The following SPIN1 variants were observed in gnomAD, a reference collection of about 807,000 sequenced individuals.
The protein encoded by SPIN1 is spindlin 1.
A neutral mutation model predicts 26.0 loss-of-function variants in SPIN1; 3 were observed. That is an observed-to-expected ratio of 0.12 (90% CI 0.05 to 0.30). SPIN1 has a LOEUF of 0.30. Among genes scored for constraint, SPIN1 ranks in the 10% least tolerant of loss-of-function variants. SPIN1 has a pLI of 1.00. For synonymous variants in SPIN1, 101 were observed against 116.5 expected (o/e 0.87, Z 0.86); for missense variants, 126 against 333.4 (o/e 0.38, Z 4.84).
intron 2 of SPIN1, among the ~76,000 whole-genome samples, chr9:88,429,100 G>C (rs1006989302): frequency 4.6e-5 from 7 of 152,100 alleles, no homozygotes; most frequent in Non-Finnish European, 8.8e-5. Flanking sequence ...CTCCTGAGCT[G>C]AAGCGGTCCT....
intron 1 of SPIN1, among the ~76,000 whole-genome samples, chr9:88,406,786 G>A (rs568988465): frequency 4.1e-4 from 62 of 151,938 alleles, no homozygotes; most frequent in African/African-American, 1.4e-3. Context: ...TTGTTCTGCT[G>A]TTCTAACTTG....
chr9:88,423,445 T>C (rs1283116860), intron 1 of SPIN1, among the ~76,000 whole-genome samples: 2 of 152,078 alleles, frequency 1.3e-5, no homozygotes, highest in Non-Finnish European at 2.9e-5. Context: ...TTTGTTTGTT[T>C]GTTTGTTTGT....
chr9:88,434,420 T>C (rs1336641786), intron 2 of SPIN1, among the ~76,000 whole-genome samples: 1 of 130,302 alleles, frequency 7.7e-6, no homozygotes, highest in Admixed American at 6.9e-5. Context: ...TTTTATAAAT[T>C]AGTTTATTTT....
intron 4 of SPIN1, among the ~76,000 whole-genome samples, chr9:88,463,152 A>T (rs1210667892): frequency 6.6e-6 from 1 of 152,228 alleles, no homozygotes; most frequent in Non-Finnish European, 1.5e-5. Context: ...CTTTGTGTAC[A>T]ACGTAAATGA....
At chr9:88,439,752 C>T (rs977524306) in intron 2 of SPIN1, among the ~76,000 whole-genome samples, 1 of 152,122 alleles carries the variant, frequency 6.6e-6, no homozygotes, top group Non-Finnish European at 1.5e-5. Context: ...TCTTTGATAA[C>T]TTTTCTTCCT....
rs1370968224 is a variant in SPIN1, at chr9:88,475,595, T to TTTTA, written c.*318_*319insTTTA. 7.6e-5 allele frequency: 17 copies of TTTTA among 224,140 alleles called. No individual in the cohort carries two copies. The highest frequency in any genetic ancestry group is 1.4e-4 in the Non-Finnish European group (16 of 111,970). 13.9% of individuals were successfully genotyped at this position (224,140 alleles called of 1,614,324 possible). On this transcript the variant is annotated 3_prime_UTR_variant, in exon 6 of 6. Transcript: ENST00000375859. ...TAACCATTTTCCCCCTCACCCTAAC[T>TTTTA]CTCTTATTCTGCCGCCACAATGCAA...
At chr9:88,416,037 T>G (rs1242728313) in intron 1 of SPIN1, among the ~76,000 whole-genome samples, 1 of 151,976 alleles carries the variant, frequency 6.6e-6, no homozygotes, top group Non-Finnish European at 1.5e-5. Context: ...ATTACAGGCA[T>G]GAGCCACCAC....
chr9:88,409,882 C>T (rs981130868), intron 1 of SPIN1, among the ~76,000 whole-genome samples: 3 of 152,088 alleles, frequency 2.0e-5, no homozygotes, highest in East Asian at 1.9e-4. Context: ...TAGAGCCTGG[C>T]AGCTTCCCTT....
Position 88,448,930 on chromosome 9 carries a change from C to A in SPIN1, c.53-11C>A. The A allele has an allele frequency of 6.2e-7, 1 of 1,613,064 alleles. No homozygotes were observed. Among genetic ancestry groups the A allele is most frequent in the Non-Finnish European group, 8.5e-7 (1 of 1,179,604 alleles). ...TGGTTTTCATTGACTATATACTCAT[C>A]TCTCTTACAGGCCATGCTGGAGTAT... On this transcript the variant is annotated splice_polypyrimidine_tract_variant and intron_variant, in intron 2 of 5. Coordinates refer to ENST00000375859, the MANE Select transcript of SPIN1 (RefSeq NM_006717.3).
chr9:88,411,108 G>A (rs2117959140), intron 1 of SPIN1: 2 of 1,520,958 alleles, frequency 1.3e-6, no homozygotes, highest in South Asian at 1.1e-5. Flanking sequence ...CTTAGGTGAT[G>A]TTCTTTAGTG....
rs1015817613 is a variant in SPIN1, at chr9:88,395,012, G to A, written c.-159+6474G>A. On this transcript the variant is annotated intron_variant, in intron 1 of 5. Coordinates refer to ENST00000375859, the MANE Select transcript of SPIN1 (RefSeq NM_006717.3). ...TTTAGTAGAGACGGGGTTTCACTAT[G>A]TTAGCCAAGATGGTCTCGATCTCCT... Among the ~76,000 whole-genome samples the A allele has an allele frequency of 9.2e-5, 14 of 151,764 alleles. 1 individual carries two copies. The highest frequency in any genetic ancestry group is 2.0e-4 in the Admixed American group (3 of 15,162).
intron 1 of SPIN1, among the ~76,000 whole-genome samples, chr9:88,413,475 C>T (rs1358537580): frequency 6.6e-6 from 1 of 151,944 alleles, no homozygotes; most frequent in South Asian, 2.1e-4. Context: ...CCTCAGCCTC[C>T]CAGGTTCAAG....
intron 1 of SPIN1, among the ~76,000 whole-genome samples, chr9:88,392,520 A>G (rs1826947160): frequency 6.6e-6 from 1 of 152,114 alleles, no homozygotes; most frequent in African/African-American, 2.4e-5. Context: ...GAGGAGTTAA[A>G]GAGGCCATCG....
chr9:88,394,563 A>G (rs1438183771), intron 1 of SPIN1, among the ~76,000 whole-genome samples: 2 of 152,180 alleles, frequency 1.3e-5, no homozygotes, highest in Admixed American at 6.5e-5. Context: ...AGCAACATTA[A>G]TATAATTGCA....
chr9:88,465,907 T>C (rs1828658450), intron 4 of SPIN1, among the ~76,000 whole-genome samples: 1 of 152,206 alleles, frequency 6.6e-6, no homozygotes, highest in Non-Finnish European at 1.5e-5. Flanking sequence ...GATTGAGTGC[T>C]AAAGCAGATA....
At chr9:88,421,130 AC>A in intron 1 of SPIN1, among the ~76,000 whole-genome samples, 1 of 102,632 alleles carries the variant, frequency 9.7e-6, no homozygotes, top group East Asian at 2.4e-4. Context: ...AAGTTAACTT[AC>A]AGAAATTGTG....
intron 2 of SPIN1, among the ~76,000 whole-genome samples, chr9:88,435,300 C>T (rs984933966): frequency 1.3e-5 from 2 of 151,624 alleles, no homozygotes; most frequent in Non-Finnish European, 2.9e-5. Flanking sequence ...ACTGCAGCCT[C>T]GACCTCCTGG....
intron 2 of SPIN1, among the ~76,000 whole-genome samples, chr9:88,446,674 C>T (rs1478665891): frequency 6.6e-6 from 1 of 152,136 alleles, no homozygotes; most frequent in Admixed American, 6.5e-5. Context: ...TCCCAAAGTG[C>T]TGGGATTACA....
intron 1 of SPIN1, among the ~76,000 whole-genome samples, chr9:88,388,959 C>T (rs1231099585): frequency 6.8e-6 from 1 of 148,126 alleles, no homozygotes; most frequent in East Asian, 2.0e-4. Context: ...CGCCAGAATG[C>T]AGGCGGGGAG....
Sources: gnomAD v4.1 joint callset for allele counts (sites outside exome capture counted in the v4.1 genomes callset) on GRCh38, gnomAD v4.1.1 for gene constraint, MANE v1.5 for transcripts, NCBI Gene and HGNC (gene_info 2026-07-23, HGNC 2026-07-21) for gene names.